The following UNC5D variants were observed in gnomAD, a reference collection of about 807,000 sequenced individuals.
UNC5D encodes unc-5 netrin receptor D.
In UNC5D, 39 loss-of-function variants were observed where a neutral mutation model predicts 105.4. The observed-to-expected ratio is 0.37, with a 90% CI of 0.29 to 0.48. The LOEUF (loss-of-function observed/expected upper bound fraction) is 0.48, where lower values mean the gene tolerates loss of function less well. Ranked by LOEUF, UNC5D falls within the 20% of genes least tolerant of loss-of-function variation. The probability of loss-of-function intolerance (pLI) is 0.98; values close to 1 mark genes in which losing one functional copy is unlikely to be tolerated. For synonymous variants in UNC5D, 452 were observed against 450.4 expected, an observed-to-expected ratio of 1.00 and a Z score of -0.04; for missense variants, 991 against 1,202.4, an observed-to-expected ratio of 0.82 and a Z score of 2.60.
intron 3 of UNC5D, among the ~76,000 whole-genome samples, chr8:35,578,651 C>A (rs937692022): frequency 8.5e-5 from 13 of 152,170 alleles, no homozygotes; most frequent in African/African-American, 2.4e-4. Flanking sequence ...TGGGGTTAAT[C>A]AATTTTTCTC....
chr8:35,450,084 G>T (rs2128990333), intron 1 of UNC5D, among the ~76,000 whole-genome samples: 1 of 152,270 alleles, frequency 6.6e-6, no homozygotes, highest in South Asian at 2.1e-4. Context: ...ATGTTTGTTA[G>T]GTTCATATTA....
intron 1 of UNC5D, among the ~76,000 whole-genome samples, chr8:35,532,383 C>T (rs1814455597): frequency 7.1e-6 from 1 of 141,458 alleles, no homozygotes; most frequent in South Asian, 2.4e-4. Flanking sequence ...CCCCCACTCT[C>T]TTCTGGCTTG....
chr8:35,311,490 A>AAATAAAAG (rs1280098978), intron 1 of UNC5D, among the ~76,000 whole-genome samples: 1 of 152,092 alleles, frequency 6.6e-6, no homozygotes, highest in Non-Finnish European at 1.5e-5. Context: ...GGACAATAAT[A>AAATAAAAG]ACCTCATCTT....
At chr8:35,408,104 G>A (rs1804924278) in intron 1 of UNC5D, among the ~76,000 whole-genome samples, 1 of 151,850 alleles carries the variant, frequency 6.6e-6, no homozygotes, top group South Asian at 2.1e-4. Flanking sequence ...GAATGTTTGT[G>A]GTCATTCATA....
At chr8:35,486,119 G>A (rs1810805606) in intron 1 of UNC5D, among the ~76,000 whole-genome samples, 2 of 152,180 alleles carry the variant, frequency 1.3e-5, no homozygotes, top group Admixed American at 6.5e-5. Flanking sequence ...TATAAGGAGA[G>A]AGTGGCATAT....
At position 35,665,637 on chromosome 8, in the gene UNC5D, GC is replaced by G. The variant is rs1330265821; in HGVS notation, c.571-17908del. Among the ~76,000 whole-genome samples, 8 of 137,566 alleles carry G rather than the reference GC, an allele frequency of 5.8e-5. No individual in the cohort carries two copies. In the East Asian group the frequency reaches 9.9e-4, roughly 17 times the overall value. 90.2% of individuals were successfully genotyped at this position (137,566 alleles called of 152,430 possible). ...GCCCATGAGGTAGGGGAGAGAAGGT[GC>G]CATTTTTTTTTTTTTTTTTGCATTT... is the stretch of plus-strand genomic sequence containing the variant. On this transcript the variant is annotated intron_variant, in intron 4 of 16. Coordinates refer to ENST00000404895, the MANE Select transcript of UNC5D (RefSeq NM_080872.4).
chr8:35,266,644 G>T (rs1347308808), intron 1 of UNC5D, among the ~76,000 whole-genome samples: 1 of 152,138 alleles, frequency 6.6e-6, no homozygotes, highest in African/African-American at 2.4e-5. Flanking sequence ...GAGTGCAATG[G>T]GGATGGCTTG....
intron 1 of UNC5D, among the ~76,000 whole-genome samples, chr8:35,333,099 G>A (rs1361635225): frequency 6.6e-6 from 1 of 152,096 alleles, no homozygotes; most frequent in Non-Finnish European, 1.5e-5. Context: ...TGCAGTCCCA[G>A]CCCTTTGGAA....
intron 4 of UNC5D, among the ~76,000 whole-genome samples, chr8:35,636,217 G>A (rs1166540301): frequency 1.3e-5 from 2 of 152,150 alleles, no homozygotes; most frequent in Non-Finnish European, 2.9e-5. Context: ...GAAAGCAAAC[G>A]GGGTCGAATG....
chr8:35,609,373 A>G (rs1174401245), intron 4 of UNC5D, among the ~76,000 whole-genome samples: 1 of 152,212 alleles, frequency 6.6e-6, no homozygotes, highest in Admixed American at 6.5e-5. Flanking sequence ...ACCAATATCT[A>G]TAGCTCTTTT....
intron 1 of UNC5D, among the ~76,000 whole-genome samples, chr8:35,412,888 G>T (rs75664880): frequency 2.0e-5 from 3 of 152,188 alleles, no homozygotes; most frequent in Non-Finnish European, 4.4e-5. Flanking sequence ...TTCCATGGAG[G>T]GGTGCAGGAA....
intron 1 of UNC5D, among the ~76,000 whole-genome samples, chr8:35,538,080 T>C (rs1287965015): frequency 6.6e-6 from 1 of 152,014 alleles, no homozygotes; most frequent in Non-Finnish European, 1.5e-5. Context: ...CAAAGTATTA[T>C]GGAAGAACAA....
chr8:35,739,575 C>G (rs1430446098), intron 11 of UNC5D, among the ~76,000 whole-genome samples: 1 of 152,098 alleles, frequency 6.6e-6, no homozygotes, highest in Non-Finnish European at 1.5e-5. Flanking sequence ...ATGCCATTGA[C>G]AAGATAACAA....
At chr8:35,617,459 C>T (rs925194311) in intron 4 of UNC5D, among the ~76,000 whole-genome samples, 4 of 152,172 alleles carry the variant, frequency 2.6e-5, no homozygotes, top group African/African-American at 9.7e-5. Flanking sequence ...GTTCTAGAAT[C>T]TGTAACTGCT....
intron 1 of UNC5D, among the ~76,000 whole-genome samples, chr8:35,421,837 T>G (rs1301813930): frequency 2.0e-5 from 3 of 152,172 alleles, no homozygotes; most frequent in East Asian, 1.9e-4. Flanking sequence ...CATTTACCTT[T>G]TAAAAATAGT....
At chr8:35,307,947 A>T (rs1268664297) in intron 1 of UNC5D, among the ~76,000 whole-genome samples, 1 of 152,128 alleles carries the variant, frequency 6.6e-6, no homozygotes, top group Non-Finnish European at 1.5e-5. Context: ...ATGTGGCGAT[A>T]TTGAGGGTAT....
At chr8:35,368,937 C>T (rs1336932833) in intron 1 of UNC5D, among the ~76,000 whole-genome samples, 2 of 152,300 alleles carry the variant, frequency 1.3e-5, no homozygotes, top group East Asian at 3.9e-4. Context: ...CATGGACTTC[C>T]AGTCTCCGGA....
At chr8:35,498,626 ATGT>A (rs1811771033) in intron 1 of UNC5D, among the ~76,000 whole-genome samples, 1 of 152,006 alleles carries the variant, frequency 6.6e-6, no homozygotes, top group Non-Finnish European at 1.5e-5. Flanking sequence ...GGGTAGATTT[ATGT>A]TGGTTTTAGG....
rs140378328 is a variant in UNC5D at position 35,791,568 on chromosome 8, T to G, written c.*1005T>G. On this transcript the variant is annotated 3_prime_UTR_variant, in exon 17 of 17. Coordinates refer to ENST00000404895, the MANE Select transcript of UNC5D (RefSeq NM_080872.4). ...TTACTGCATTTTTCAATCCAGATTC[T>G]TGAAATTGTCTAACATGTGGGTACT... 6.6e-6 allele frequency: 1 copy of G among 152,346 alleles called. No individual in the cohort carries two copies. The highest frequency in any genetic ancestry group is 6.5e-5 in the Admixed American group (1 of 15,288). 9.4% of individuals were successfully genotyped at this position (152,346 alleles called of 1,614,324 possible).
Sources: gnomAD v4.1 joint callset for allele counts (sites outside exome capture counted in the v4.1 genomes callset) on GRCh38, gnomAD v4.1.1 for gene constraint, MANE v1.5 for transcripts, NCBI Gene and HGNC (gene_info 2026-07-23, HGNC 2026-07-21) for gene names.